Variants in CRB1 observed in about 807,000 individuals in gnomAD.
CRB1 encodes the protein crumbs cell polarity complex component 1.
CRB1 carries 83 observed loss-of-function variants against 120.0 expected under a neutral mutation model. The ratio of observed to expected loss-of-function variants is 0.69; its 90% CI spans 0.58 to 0.83. CRB1 has a LOEUF of 0.83. Among genes scored for constraint, CRB1 ranks in the 40% least tolerant of loss-of-function variants. The probability of loss-of-function intolerance (pLI) is 0.00; values close to 1 mark genes in which losing one functional copy is unlikely to be tolerated. For missense variants in CRB1, 1,699 were observed against 1,687.6 expected (o/e 1.01, Z -0.12); for synonymous variants, 625 against 612.5 (o/e 1.02, Z -0.30).
At chr1:197,414,670 T>C (rs540356864) in intron 5 of CRB1, among the ~76,000 whole-genome samples, 1 of 152,304 alleles carries the variant, frequency 6.6e-6, no homozygotes, top group Non-Finnish European at 1.5e-5. Context: ...CAATTTGTAT[T>C]CAACTAAAAT....
At chr1:197,271,531 G>A (rs1263982089) in intron 1 of CRB1, among the ~76,000 whole-genome samples, 1 of 152,100 alleles carries the variant, frequency 6.6e-6, no homozygotes, top group Non-Finnish European at 1.5e-5. Context: ...AATTTGTCCT[G>A]ATTGTTTTTA....
chr1:197,211,341 T>C, the CRB1 span, among the ~76,000 whole-genome samples: 1 of 152,148 alleles, frequency 6.6e-6, no homozygotes, highest in Non-Finnish European at 1.5e-5. Context: ...TGAAGAAATG[T>C]GCTTCCTTAG....
At chr1:197,229,178 T>C in the CRB1 span, among the ~76,000 whole-genome samples, 1 of 152,162 alleles carries the variant, frequency 6.6e-6, no homozygotes. Flanking sequence ...TAAATAGGTG[T>C]TATGTGTGCC....
At chr1:197,224,649 T>G in the CRB1 span, among the ~76,000 whole-genome samples, 1 of 152,156 alleles carries the variant, frequency 6.6e-6, no homozygotes, top group African/African-American at 2.4e-5. Context: ...TTACCTTTTT[T>G]GGATACCATA....
upstream of CRB1, among the ~76,000 whole-genome samples, chr1:197,267,669 G>C (rs1222449129): frequency 2.0e-5 from 3 of 152,110 alleles, no homozygotes; most frequent in African/African-American, 7.2e-5. Flanking sequence ...AGAAAATATT[G>C]TGTATTTAAA....
At chr1:197,238,387 A>C in the CRB1 span, among the ~76,000 whole-genome samples, 1 of 152,324 alleles carries the variant, frequency 6.6e-6, no homozygotes, top group South Asian at 2.1e-4. Flanking sequence ...CATTATGCTT[A>C]TCTCAATATT....
the CRB1 span, among the ~76,000 whole-genome samples, chr1:197,242,940 G>A: frequency 6.6e-6 from 1 of 152,070 alleles, no homozygotes; most frequent in Non-Finnish European, 1.5e-5. Context: ...ATTTCTTCTA[G>A]ATTTTCTAGT....
intron 4 of CRB1, among the ~76,000 whole-genome samples, chr1:197,349,843 G>C (rs917598750): frequency 2.6e-5 from 4 of 152,144 alleles, no homozygotes; most frequent in Admixed American, 6.5e-5. Flanking sequence ...GCTCACGCCT[G>C]TAATCCCAGC....
chr1:197,207,029 T>C, the CRB1 span, among the ~76,000 whole-genome samples: 52,750 of 152,058 alleles, frequency 0.35, 11,545 homozygotes, highest in East Asian at 0.77. Context: ...CTTTAAAGTT[T>C]GTTTTGTCTG....
intron 5 of CRB1, among the ~76,000 whole-genome samples, chr1:197,387,557 G>T (rs1457328618): frequency 2.0e-5 from 3 of 151,814 alleles, no homozygotes; most frequent in African/African-American, 7.3e-5. Flanking sequence ...TTGGCACCTG[G>T]CGTACTAAAA....
chr1:197,473,067 C>G (rs184297431), intron 11 of CRB1, among the ~76,000 whole-genome samples: 20 of 152,278 alleles, frequency 1.3e-4, no homozygotes, highest in Non-Finnish European at 2.1e-4. Context: ...AGCTCTTAAC[C>G]ACTTCATTAC....
chr1:197,218,653 GGATGA>G, the CRB1 span, among the ~76,000 whole-genome samples: 13 of 152,220 alleles, frequency 8.5e-5, no homozygotes, highest in African/African-American at 2.9e-4. Flanking sequence ...CCTTGACTGT[GGATGA>G]TACAAGGTTT....
chr1:197,443,228 A>G (rs915968466), intron 11 of CRB1: 1 of 152,144 alleles, frequency 6.6e-6, no homozygotes, highest in Non-Finnish European at 1.5e-5. Flanking sequence ...TTTCTCTGAT[A>G]TATGATTAAA....
At chr1:197,359,918 G>T (rs1660686883) in intron 5 of CRB1, among the ~76,000 whole-genome samples, 1 of 152,028 alleles carries the variant, frequency 6.6e-6, no homozygotes, top group African/African-American at 2.4e-5. Context: ...GTCACCCCAT[G>T]TTTTTTGCCT....
At chr1:197,222,795 T>C in the CRB1 span, 4 of 1,382,914 alleles carry the variant, frequency 2.9e-6, no homozygotes, top group Non-Finnish European at 4.1e-6. Flanking sequence ...TATTTCAAGC[T>C]TGGTGTCTTG....
rs34995320 is a variant in CRB1, at chr1:197,363,135, G to GTTT, written c.1171+6132_1171+6134dup. On this transcript the variant is annotated intron_variant, in intron 5 of 11. Coordinates refer to ENST00000367400, the MANE Select transcript of CRB1 (RefSeq NM_201253.3). ...GTATAGGAATTTCACTTCTATTTAG[G>GTTT]TTTTTTTTTTTTGCCTTCTTCACTT... Among the ~76,000 whole-genome samples, 1,010 of 146,120 alleles carry GTTT rather than the reference G, an allele frequency of 6.9e-3. 11 individuals are homozygous for GTTT. Among genetic ancestry groups the GTTT allele is most frequent in the African/African-American group, 0.021 (849 of 40,020 alleles).
chr1:197,421,989 G>A (rs1272804961), intron 6 of CRB1, 33 bp downstream of exon 6: 2 of 1,600,870 alleles, frequency 1.2e-6, no homozygotes, highest in African/African-American at 1.3e-5. Flanking sequence ...GGCTAGGAGT[G>A]CCATGCCTCA....
chr1:197,357,838 T>G (rs1315249375), intron 5 of CRB1: 2 of 152,236 alleles, frequency 1.3e-5, no homozygotes, highest in Non-Finnish European at 2.9e-5. Context: ...TTTAATGGTC[T>G]TTGATTTGTG....
At chr1:197,270,025 A>T (rs1045334991) in intron 1 of CRB1, among the ~76,000 whole-genome samples, 5 of 152,172 alleles carry the variant, frequency 3.3e-5, no homozygotes, top group Non-Finnish European at 5.9e-5. Flanking sequence ...TATTGGCAAG[A>T]TATAATCATA....
Sources: allele counts gnomAD v4.1 joint callset (sites outside exome capture counted in the v4.1 genomes callset), GRCh38; gene constraint gnomAD v4.1.1; transcripts MANE v1.5; gene names NCBI Gene and HGNC (gene_info 2026-07-23, HGNC 2026-07-21).